Variants in PDE4B observed in about 807,000 individuals in gnomAD.
PDE4B encodes phosphodiesterase 4B.
Under a neutral mutation model 82.2 loss-of-function variants are expected in PDE4B, and 20 were observed. The ratio of observed to expected loss-of-function variants is 0.24; its 90% CI spans 0.17 to 0.35. PDE4B has a LOEUF of 0.35. PDE4B is among the 10% of genes least tolerant of loss of function. The pLI, the probability that PDE4B is intolerant of heterozygous loss-of-function variation, is 1.00. For missense variants in PDE4B, 655 were observed against 907.2 expected (o/e 0.72, Z 3.57); for synonymous variants, 320 against 318.9 (o/e 1.00, Z -0.04).
intron 1 of PDE4B, among the ~76,000 whole-genome samples, chr1:65,908,630 C>G (rs1647053638): frequency 6.6e-6 from 1 of 152,074 alleles, no homozygotes. Flanking sequence ...GACATTGCAG[C>G]TTGAGCCATC....
chr1:65,885,416 G>A, intron 1 of PDE4B, among the ~76,000 whole-genome samples: 1 of 152,084 alleles, frequency 6.6e-6, no homozygotes, highest in East Asian at 1.9e-4. Context: ...GCACACGTAT[G>A]TTTTTTGCAG....
intron 3 of PDE4B, among the ~76,000 whole-genome samples, chr1:66,134,415 A>G (rs555115504): frequency 6.6e-6 from 1 of 152,250 alleles, no homozygotes; most frequent in East Asian, 1.9e-4. Flanking sequence ...TTTTTACAGT[A>G]TTTGATTCTT....
At chr1:66,182,942 TGCGTAAGC>T (rs1428317486) in intron 3 of PDE4B, among the ~76,000 whole-genome samples, 1 of 152,218 alleles carries the variant, frequency 6.6e-6, no homozygotes, top group Non-Finnish European at 1.5e-5. Context: ...GAATGTGAAT[TGCGTAAGC>T]CCTTCTGAAA....
chr1:66,272,967 T>G (rs1353927841), intron 7 of PDE4B, among the ~76,000 whole-genome samples: 1 of 151,850 alleles, frequency 6.6e-6, no homozygotes, highest in East Asian at 1.9e-4. Flanking sequence ...ATTTTTTGTA[T>G]TTTTAGTAGA....
intron 3 of PDE4B, among the ~76,000 whole-genome samples, chr1:66,031,801 TA>T (rs34386341): frequency 2.3e-5 from 3 of 132,024 alleles, no homozygotes; most frequent in African/African-American, 9.8e-5. Context: ...ACAATAGAAA[TA>T]TTTTTTTTCT....
intron 3 of PDE4B, among the ~76,000 whole-genome samples, chr1:65,944,712 T>A (rs1375033636): frequency 6.6e-6 from 1 of 151,766 alleles, no homozygotes; most frequent in Non-Finnish European, 1.5e-5. Context: ...AAAGAAGCAA[T>A]TAAGCATACT....
chr1:66,242,624 G>A (rs1557655390), intron 3 of PDE4B, among the ~76,000 whole-genome samples: 1 of 152,158 alleles, frequency 6.6e-6, no homozygotes, highest in Non-Finnish European at 1.5e-5. Context: ...AACCACCCTG[G>A]GGACAATTGC....
At chr1:66,236,185 T>A (rs928070060) in intron 3 of PDE4B, among the ~76,000 whole-genome samples, 2 of 152,184 alleles carry the variant, frequency 1.3e-5, no homozygotes, top group African/African-American at 2.4e-5. Context: ...TCTTCATTTT[T>A]AAAATTTTAA....
chr1:66,016,111 T>A (rs977478252), intron 3 of PDE4B, among the ~76,000 whole-genome samples: 2 of 152,172 alleles, frequency 1.3e-5, no homozygotes, highest in South Asian at 4.1e-4. Context: ...TGTGTCTGAG[T>A]ATCTCCATCT....
At chr1:66,312,811 C>A (rs1658762220) in intron 7 of PDE4B, among the ~76,000 whole-genome samples, 1 of 152,150 alleles carries the variant, frequency 6.6e-6, no homozygotes, top group African/African-American at 2.4e-5. Flanking sequence ...TCTGTGATGA[C>A]CTTCGTGCTA....
chr1:66,164,409 G>A (rs1243475048), intron 3 of PDE4B, among the ~76,000 whole-genome samples: 3 of 151,534 alleles, frequency 2.0e-5, no homozygotes, highest in African/African-American at 7.3e-5. Context: ...GGTGGCAGGT[G>A]CCTGTAATCT....
chr1:66,266,872 A>G (rs1655086524), intron 7 of PDE4B: 1 of 333,024 alleles, frequency 3.0e-6, no homozygotes, highest in Non-Finnish European at 6.0e-6. Flanking sequence ...GAGAAAAACC[A>G]CAGGAGAAAC....
rs185158977 is a variant in PDE4B at position 66,337,096 on chromosome 1, G to T, written c.747+4476G>T. On this transcript the variant is annotated intron_variant, in intron 8 of 16. Transcript: ENST00000341517. ...CTTACTGGCCAATGGATTCATCTTA[G>T]AACTCTGTAAGAGAGAGGGTAGACA... Among the ~76,000 whole-genome samples, 18 of 152,334 alleles carry T rather than the reference G, an allele frequency of 1.2e-4. No homozygotes were observed. The East Asian group carries it at 3.1e-3, about 26-fold the overall frequency.
At chr1:65,944,505 A>C (rs1281616115) in intron 3 of PDE4B, among the ~76,000 whole-genome samples, 1 of 151,982 alleles carries the variant, frequency 6.6e-6, no homozygotes, top group Non-Finnish European at 1.5e-5. Context: ...AAGATTAGAT[A>C]TAGAAATGTG....
chr1:65,832,989 ACT>A (rs1646099977), intron 1 of PDE4B, among the ~76,000 whole-genome samples: 1 of 152,140 alleles, frequency 6.6e-6, no homozygotes, highest in South Asian at 2.1e-4. Context: ...AGTTAATGTG[ACT>A]TTCTATGATG....
chr1:65,883,945 A>G (rs1646740017), intron 1 of PDE4B, among the ~76,000 whole-genome samples: 3 of 152,112 alleles, frequency 2.0e-5, no homozygotes, highest in Non-Finnish European at 4.4e-5. Context: ...TTCTGTTTAT[A>G]TGCTGGATTA....
At chr1:66,330,223 C>G (rs759078101) in intron 7 of PDE4B, among the ~76,000 whole-genome samples, 1 of 152,200 alleles carries the variant, frequency 6.6e-6, no homozygotes, top group East Asian at 1.9e-4. Context: ...GATGGCTGAT[C>G]TGAAGAAGAG....
At chr1:66,225,658 G>A (rs1333442900) in intron 3 of PDE4B, among the ~76,000 whole-genome samples, 1 of 152,100 alleles carries the variant, frequency 6.6e-6, no homozygotes. Flanking sequence ...TGAATACCTG[G>A]GCCCAGTAAC....
intron 3 of PDE4B, among the ~76,000 whole-genome samples, chr1:66,039,887 G>T (rs191634467): frequency 9.9e-5 from 15 of 152,130 alleles, no homozygotes; most frequent in African/African-American, 3.4e-4. Context: ...GGCATAAATG[G>T]TTAATGCTAT....
Sources: allele counts gnomAD v4.1 joint callset (sites outside exome capture counted in the v4.1 genomes callset), GRCh38; gene constraint gnomAD v4.1.1; transcripts MANE v1.5; gene names NCBI Gene and HGNC (gene_info 2026-07-23, HGNC 2026-07-21).